Variants in SPPL3 observed in about 807,000 individuals in gnomAD.
The protein encoded by SPPL3 is signal peptide peptidase-like 3.
Under a neutral mutation model 42.4 loss-of-function variants are expected in SPPL3, and 5 were observed. That is an observed-to-expected ratio of 0.12 (90% CI 0.06 to 0.25). SPPL3 has a LOEUF of 0.25. Among genes scored for constraint, SPPL3 ranks in the 10% least tolerant of loss-of-function variants. SPPL3 has a pLI of 1.00. For synonymous variants in SPPL3, 195 were observed against 181.8 expected, an observed-to-expected ratio of 1.07 and a Z score of -0.58; for missense variants, 235 against 489.0, an observed-to-expected ratio of 0.48 and a Z score of 4.90.
At position 120,886,285 on chromosome 12, in the gene SPPL3, CCA is replaced by C. The variant is rs770892767; in HGVS notation, c.23+17558_23+17559del. 5.1e-4 allele frequency among the ~76,000 whole-genome samples: 77 copies of C among 152,106 alleles called. 2 individuals carry two copies. The highest frequency in any genetic ancestry group is 1.9e-4 in the Non-Finnish European group (13 of 68,032). ...AATTACATCTGCTGGCATTTGACAC[CCA>C]GTCTCTAACACTATAAACTTCTGAT... On this transcript the variant is annotated intron_variant, in intron 1 of 10. Transcript: ENST00000353487.
intron 1 of SPPL3, among the ~76,000 whole-genome samples, chr12:120,858,246 GGT>G (rs1388971652): frequency 2.0e-5 from 3 of 152,094 alleles, no homozygotes; most frequent in Non-Finnish European, 4.4e-5. Context: ...GGGAGGCCGA[GGT>G]GGTCAGAAGT....
chr12:120,899,216 TTC>T (rs1246125679), intron 1 of SPPL3, among the ~76,000 whole-genome samples: 1 of 152,252 alleles, frequency 6.6e-6, no homozygotes, highest in African/African-American at 2.4e-5. Flanking sequence ...TTTCAATTTA[TTC>T]TGTTAATAGC....
At chr12:120,810,419 T>C (rs2137001223) in intron 2 of SPPL3, among the ~76,000 whole-genome samples, 1 of 152,384 alleles carries the variant, frequency 6.6e-6, no homozygotes, top group South Asian at 2.1e-4. Context: ...TTTGTCATTT[T>C]ATTACATGGA....
chr12:120,871,044 C>A (rs532228681), intron 1 of SPPL3, among the ~76,000 whole-genome samples: 1 of 146,754 alleles, frequency 6.8e-6, no homozygotes, highest in Non-Finnish European at 1.5e-5. Flanking sequence ...ACAGGAGAAT[C>A]GCTTGAACCC....
At chr12:120,770,079 G>C (rs752363109) in intron 6 of SPPL3, 1 of 151,940 alleles carries the variant, frequency 6.6e-6, no homozygotes, top group Non-Finnish European at 1.5e-5. Flanking sequence ...ACAGGGTCTT[G>C]CCCTGTTGCC....
At chr12:120,766,211 C>G (rs1868899541) in intron 10 of SPPL3, 52 bp downstream of exon 10, 2 of 1,468,026 alleles carry the variant, frequency 1.4e-6, no homozygotes, top group African/African-American at 1.4e-5. Flanking sequence ...CAAACCGAGG[C>G]ACAGGCCAAT....
chr12:120,877,117 A>C (rs945400987), intron 1 of SPPL3, among the ~76,000 whole-genome samples: 5 of 152,220 alleles, frequency 3.3e-5, no homozygotes, highest in African/African-American at 9.6e-5. Context: ...GATGAAATGG[A>C]AAGAGACAAA....
At chr12:120,869,112 G>A (rs1480243823) in intron 1 of SPPL3, among the ~76,000 whole-genome samples, 8 of 152,010 alleles carry the variant, frequency 5.3e-5, no homozygotes, top group Non-Finnish European at 1.0e-4. Flanking sequence ...ATTAAAACTC[G>A]AGCACCAATA....
intron 1 of SPPL3, among the ~76,000 whole-genome samples, chr12:120,888,820 A>C (rs1378981661): frequency 6.6e-6 from 1 of 152,042 alleles, no homozygotes; most frequent in Non-Finnish European, 1.5e-5. Context: ...CTTATATTTT[A>C]TTTTTTGAGA....
intron 1 of SPPL3, among the ~76,000 whole-genome samples, chr12:120,848,363 T>C (rs1339593055): frequency 6.6e-6 from 1 of 152,176 alleles, no homozygotes; most frequent in Non-Finnish European, 1.5e-5. Flanking sequence ...ACCATGGGTC[T>C]AGAGTTATTC....
chr12:120,854,577 A>G (rs745616293), intron 1 of SPPL3, among the ~76,000 whole-genome samples: 2 of 152,238 alleles, frequency 1.3e-5, no homozygotes, highest in Non-Finnish European at 1.5e-5. Context: ...TATCAAAGCC[A>G]AATACATGTT....
chr12:120,786,398 C>T (rs1216306456), intron 3 of SPPL3, among the ~76,000 whole-genome samples: 1 of 152,114 alleles, frequency 6.6e-6, no homozygotes, highest in Non-Finnish European at 1.5e-5. Context: ...GTGCCTTTCA[C>T]TACAGAAAAT....
chr12:120,798,315 G>C (rs540406904), intron 2 of SPPL3, among the ~76,000 whole-genome samples: 58 of 152,292 alleles, frequency 3.8e-4, no homozygotes, highest in Admixed American at 1.6e-3. Context: ...AGACACATTA[G>C]CAGAGATTAA....
intron 10 of SPPL3, among the ~76,000 whole-genome samples, chr12:120,765,631 G>C (rs1868860103): frequency 6.6e-6 from 1 of 152,136 alleles, no homozygotes; most frequent in African/African-American, 2.4e-5. Flanking sequence ...AAACCAAAGA[G>C]CATTTAAATC....
intron 1 of SPPL3, among the ~76,000 whole-genome samples, chr12:120,892,911 G>T (rs1041301706): frequency 1.4e-5 from 2 of 147,410 alleles, no homozygotes; most frequent in African/African-American, 2.5e-5. Context: ...GAACCCGGTA[G>T]GCAGAGGTTG....
intron 6 of SPPL3, among the ~76,000 whole-genome samples, chr12:120,778,748 C>T (rs1051255326): frequency 1.3e-5 from 2 of 151,780 alleles, no homozygotes; most frequent in Non-Finnish European, 3.0e-5. Context: ...TAACTTGACA[C>T]ACAGACATTC....
At chr12:120,822,649 A>T (rs1335893445) in intron 1 of SPPL3, among the ~76,000 whole-genome samples, 7 of 152,152 alleles carry the variant, frequency 4.6e-5, no homozygotes, top group Non-Finnish European at 1.0e-4. Context: ...GGGATGATGA[A>T]AAAATTGAAG....
chr12:120,872,465 T>C (rs1434708826), intron 1 of SPPL3, among the ~76,000 whole-genome samples: 6 of 152,142 alleles, frequency 3.9e-5, no homozygotes, highest in Non-Finnish European at 8.8e-5. Flanking sequence ...GGCTTCATAC[T>C]TCAGGGACAG....
At chr12:120,788,320 T>C (rs1869791973) in intron 3 of SPPL3, among the ~76,000 whole-genome samples, 1 of 152,162 alleles carries the variant, frequency 6.6e-6, no homozygotes, top group Admixed American at 6.5e-5. Context: ...TCCTCTTACT[T>C]CCATGTGTTT....
Sources: gnomAD v4.1 joint callset for allele counts (sites outside exome capture counted in the v4.1 genomes callset) on GRCh38, gnomAD v4.1.1 for gene constraint, MANE v1.5 for transcripts, NCBI Gene and HGNC (gene_info 2026-07-23, HGNC 2026-07-21) for gene names.